The following ANKRD6 variants were observed in gnomAD, a reference collection of about 807,000 sequenced individuals.
ANKRD6 encodes ankyrin repeat domain-containing protein 6.
ANKRD6 carries 56 observed loss-of-function variants against 82.3 expected under a neutral mutation model. The ratio of observed to expected loss-of-function variants is 0.68; its 90% confidence interval spans 0.55 to 0.85. ANKRD6 has a LOEUF of 0.85. ANKRD6 is among the 40% of genes least tolerant of loss of function. The pLI is 0.00. For synonymous variants in ANKRD6, 347 were observed against 352.1 expected, an observed-to-expected ratio of 0.99 and a Z score of 0.16; for missense variants, 852 against 907.6, an observed-to-expected ratio of 0.94 and a Z score of 0.79.
At chr6:89,462,513 A>G (rs1774305114) in intron 1 of ANKRD6, among the ~76,000 whole-genome samples, 1 of 152,092 alleles carries the variant, frequency 6.6e-6, no homozygotes, top group South Asian at 2.1e-4. Flanking sequence ...GTAAATACTG[A>G]AGAATACAGT....
intron 1 of ANKRD6, among the ~76,000 whole-genome samples, chr6:89,555,283 A>C (rs1346438507): frequency 3.3e-5 from 5 of 151,822 alleles, no homozygotes; most frequent in Non-Finnish European, 1.5e-5. Flanking sequence ...TTTACTTAGA[A>C]TATAAGAAGA....
chr6:89,527,053 CCAGATATCTG>C (rs1361352557), intron 1 of ANKRD6, among the ~76,000 whole-genome samples: 1 of 152,186 alleles, frequency 6.6e-6, no homozygotes, highest in African/African-American at 2.4e-5. Context: ...TAATGTTTAA[CCAGATATCTG>C]GGCATCCCTT....
At chr6:89,628,086 T>C (rs1415107375) in intron 14 of ANKRD6, among the ~76,000 whole-genome samples, 1 of 152,124 alleles carries the variant, frequency 6.6e-6, no homozygotes, top group Non-Finnish European at 1.5e-5. Context: ...ACTCAGGCTT[T>C]CTAAGCAACC....
At chr6:89,615,520 T>C (rs1263547712) in intron 7 of ANKRD6, among the ~76,000 whole-genome samples, 4 of 152,208 alleles carry the variant, frequency 2.6e-5, no homozygotes, top group Admixed American at 2.6e-4. Context: ...GGTAGACCAA[T>C]GAATTCAGCA....
rs761191637 is a variant in ANKRD6 at position 89,623,904 on chromosome 6, C to G, written c.1065C>G (p.Ala355=). The change falls in exon 12 of 16, where the codon GCC becomes GCG. Residue 355 remains alanine (A), a synonymous_variant. Transcript: ENST00000339746. ...VSAFSDPTPP[A]DQQPGHQKNL... ...CATTTTCTGACCCCACCCCACCAGC[C>G]GACCAACAGCCTGGACACCAGAAGA... 3.7e-6 allele frequency: 6 copies of G among 1,613,604 alleles called. No individual in the cohort carries two copies. In the East Asian group the frequency reaches 1.3e-4, roughly 36 times the overall value.
intron 1 of ANKRD6, among the ~76,000 whole-genome samples, chr6:89,521,996 A>G (rs1002380414): frequency 6.6e-6 from 1 of 152,306 alleles, no homozygotes; most frequent in East Asian, 1.9e-4. Context: ...TAAGCTTCCA[A>G]TATAAATTAT....
chr6:89,608,368 C>CTA (rs1554260576), intron 5 of ANKRD6, among the ~76,000 whole-genome samples: 2,026 of 130,624 alleles, frequency 0.016, 49 homozygotes, highest in Non-Finnish European at 0.019. Flanking sequence ...CACACACACA[C>CTA]TATATATATA....
intron 1 of ANKRD6, among the ~76,000 whole-genome samples, chr6:89,509,714 G>A (rs541764266): frequency 5.9e-5 from 9 of 152,240 alleles, no homozygotes; most frequent in East Asian, 5.8e-4. Context: ...GATAGAAATC[G>A]TCATTTAATC....
intron 13 of ANKRD6, among the ~76,000 whole-genome samples, chr6:89,627,103 C>T (rs1805939897): frequency 6.7e-6 from 1 of 148,372 alleles, no homozygotes; most frequent in Non-Finnish European, 1.5e-5. Context: ...TATTCAGAGT[C>T]TCTCTCTCTT....
At chr6:89,516,502 A>G (rs1781236910) in intron 1 of ANKRD6, among the ~76,000 whole-genome samples, 1 of 152,026 alleles carries the variant, frequency 6.6e-6, no homozygotes, top group African/African-American at 2.4e-5. Context: ...TTTTTAAGAC[A>G]CAGCCTCTGT....
In ANKRD6 at chr6:89,631,776, A is replaced by G. The variant is rs538963406; in HGVS notation, c.*772A>G. ...TTAATGGAAAAAAATTCATGTAACA[A>G]TTACCTGAAAATTTATAACCTATTC... On this transcript the variant is annotated 3_prime_UTR_variant, in exon 16 of 16. Transcript: ENST00000339746. The G allele has an allele frequency of 1.1e-4, 17 of 152,340 alleles. No homozygotes were observed. Among genetic ancestry groups the G allele is most frequent in the African/African-American group, 3.6e-4 (15 of 41,584 alleles). 9.4% of individuals were successfully genotyped at this position (152,340 alleles called of 1,614,324 possible).
rs570604000 is a variant in ANKRD6 at position 89,611,894 on chromosome 6, C to T, written c.418-378C>T. On this transcript the variant is annotated intron_variant, in intron 5 of 15. Coordinates refer to ENST00000339746, the MANE Select transcript of ANKRD6 (RefSeq NM_001242809.2). The stretch of plus-strand genomic sequence containing the variant: ...CATCTGATAGGAATTGAGTACTGTG[C>T]ATGTGTCCAGCATTGTGTGTTAAGA... Among the ~76,000 whole-genome samples, 4 of 152,352 alleles carry T rather than the reference C, an allele frequency of 2.6e-5. No individual in the cohort carries two copies. In the East Asian group the frequency reaches 7.7e-4, roughly 29 times the overall value.
intron 1 of ANKRD6, among the ~76,000 whole-genome samples, chr6:89,506,936 T>C (rs1222705499): frequency 6.6e-6 from 1 of 152,248 alleles, no homozygotes; most frequent in Non-Finnish European, 1.5e-5. Flanking sequence ...TGCAGGGGCC[T>C]CTTCTTCCAT....
chr6:89,456,896 A>G (rs1329252911), intron 1 of ANKRD6, among the ~76,000 whole-genome samples: 1 of 152,218 alleles, frequency 6.6e-6, no homozygotes, highest in East Asian at 1.9e-4. Flanking sequence ...ACAATGATTT[A>G]TTGTATCTCA....
At chr6:89,552,557 A>AG (rs1785998272) in intron 1 of ANKRD6, among the ~76,000 whole-genome samples, 1 of 152,246 alleles carries the variant, frequency 6.6e-6, no homozygotes, top group Non-Finnish European at 1.5e-5. Context: ...TAAGAGACAG[A>AG]GGAAGGAGTA....
intron 1 of ANKRD6, among the ~76,000 whole-genome samples, chr6:89,507,638 A>G (rs898419054): frequency 1.5e-4 from 23 of 152,202 alleles, no homozygotes; most frequent in Non-Finnish European, 2.9e-4. Flanking sequence ...CTTTGATATT[A>G]TGGTAATTCC....
chr6:89,631,202 A>G lies in ANKRD6; in HGVS notation c.*198A>G. ...AGACTTCAACAATTAAACTGAAACC[A>G]GGGGAAGCTTGCTTAGTTTTGGGTT... On this transcript the variant is annotated 3_prime_UTR_variant, in exon 16 of 16. Transcript: ENST00000339746. 3.0e-6 allele frequency: 3 copies of G among 1,002,960 alleles called. No individual in the cohort carries two copies. The highest frequency in any genetic ancestry group is 5.5e-5 in the South Asian group (2 of 36,454). The allele number at this position is 1,002,960 out of a possible 1,614,324, so 62.1% of individuals were successfully genotyped here.
At chr6:89,485,379 T>C (rs1438453872) in intron 1 of ANKRD6, among the ~76,000 whole-genome samples, 1 of 152,126 alleles carries the variant, frequency 6.6e-6, no homozygotes, top group African/African-American at 2.4e-5. Flanking sequence ...CTGGGAGAAA[T>C]CTCTACTGTA....
intron 15 of ANKRD6, chr6:89,629,588 C>T (rs1359354822): frequency 6.3e-6 from 2 of 317,148 alleles, no homozygotes; most frequent in South Asian, 3.0e-5. Context: ...TCCTCCCTTG[C>T]CTTTTGTGCC....
Sources: gnomAD v4.1 joint callset for allele counts (sites outside exome capture counted in the v4.1 genomes callset) on GRCh38, gnomAD v4.1.1 for gene constraint, MANE v1.5 for transcripts, NCBI Gene and HGNC (gene_info 2026-07-23, HGNC 2026-07-21) for gene names.